ESRRG: variants seen among roughly 807,000 people sequenced by gnomAD.
ESRRG encodes estrogen related receptor gamma.
A neutral mutation model predicts 44.0 loss-of-function variants in ESRRG; 13 were observed. The ratio of observed to expected loss-of-function variants is 0.30; its 90% CI spans 0.19 to 0.47. ESRRG has a LOEUF of 0.47. ESRRG is among the 20% of genes least tolerant of loss of function. ESRRG has a pLI of 1.00. For missense variants in ESRRG, 395 were observed against 580.6 expected (o/e 0.68, Z 3.29); for synonymous variants, 215 against 214.6 (o/e 1.00, Z -0.02).
In ESRRG at chr1:216,506,458, G is replaced by T. The variant is rs1443195723; in HGVS notation, c.*481C>A. The T allele has an allele frequency of 3.0e-6, 1 of 332,462 alleles. No individual in the cohort carries two copies. Among genetic ancestry groups the T allele is most frequent in the Non-Finnish European group, 5.8e-6 (1 of 172,004 alleles). 20.6% of individuals were successfully genotyped at this position (332,462 alleles called of 1,614,324 possible). A position where few individuals can be genotyped will look rare whatever the true frequency, so the allele number is the denominator to read the frequency against. On this transcript the variant is annotated 3_prime_UTR_variant, in exon 7 of 7. Coordinates refer to ENST00000408911, the MANE Select transcript of ESRRG (RefSeq NM_001438.4). ...GAAAGAAGGTCAAGAGGAAAGGAAAGGAAAGGGAAAAGGAAAGGGAAAAAG... is the reference window on the plus strand; with the variant it reads ...GAAAGAAGGTCAAGAGGAAAGGAAATGAAAGGGAAAAGGAAAGGGAAAAAG...
At chr1:216,522,058 T>G (rs1460610724) in intron 5 of ESRRG, among the ~76,000 whole-genome samples, 2 of 151,708 alleles carry the variant, frequency 1.3e-5, no homozygotes, top group Non-Finnish European at 2.9e-5. Flanking sequence ...GCACATTTCT[T>G]TGGGGTTTAA....
At chr1:216,546,813 A>G (rs955892443) in intron 5 of ESRRG, among the ~76,000 whole-genome samples, 4 of 67,450 alleles carry the variant, frequency 5.9e-5, no homozygotes, top group African/African-American at 1.8e-4. Context: ...CTATCTCTTT[A>G]TATATATATA....
At chr1:217,122,847 T>A (rs908993337) in intron 1 of ESRRG, among the ~76,000 whole-genome samples, 1 of 150,840 alleles carries the variant, frequency 6.6e-6, no homozygotes, top group African/African-American at 2.5e-5. Flanking sequence ...ATTTTCTTTT[T>A]TCTTTTTTTT....
At chr1:216,891,888 C>A (rs2057848330) in intron 2 of ESRRG, among the ~76,000 whole-genome samples, 1 of 150,974 alleles carries the variant, frequency 6.6e-6, no homozygotes, top group African/African-American at 2.4e-5. Context: ...CAATCTCCAC[C>A]TCCTGGGTTC....
At position 216,518,801 on chromosome 1, in the gene ESRRG, C is replaced by T. The variant is rs11572819; in HGVS notation, c.1132+351G>A. On this transcript the variant is annotated intron_variant, in intron 6 of 6. Coordinates refer to ENST00000408911, the MANE Select transcript of ESRRG (RefSeq NM_001438.4). Reference sequence around the variant, plus strand: ...GGGAAAAATGGTTTGTGTGTATCAACAATTCCCTTGTTTTAACTTACGCAT... The same window carrying T: ...GGGAAAAATGGTTTGTGTGTATCAATAATTCCCTTGTTTTAACTTACGCAT... 6.2e-3 allele frequency among the ~76,000 whole-genome samples: 945 copies of T among 152,280 alleles called. 6 individuals are homozygous for T. Among genetic ancestry groups the T allele is most frequent in the Non-Finnish European group, 7.9e-3 (537 of 68,012 alleles).
chr1:216,819,750 T>C (rs1475513989), intron 2 of ESRRG, among the ~76,000 whole-genome samples: 1 of 152,176 alleles, frequency 6.6e-6, no homozygotes, highest in Non-Finnish European at 1.5e-5. Flanking sequence ...GTTGTGGACA[T>C]GGTTTGTTAA....
intron 1 of ESRRG, among the ~76,000 whole-genome samples, chr1:217,035,767 T>A (rs2082777779): frequency 6.6e-6 from 1 of 152,044 alleles, no homozygotes; most frequent in African/African-American, 2.4e-5. Context: ...AGACTTAGGA[T>A]TCCATTATTA....
intron 3 of ESRRG, among the ~76,000 whole-genome samples, chr1:216,569,709 A>G (rs971145168): frequency 5.3e-5 from 8 of 152,208 alleles, no homozygotes; most frequent in Non-Finnish European, 1.2e-4. Flanking sequence ...TAACAATGTA[A>G]AAGTATTCAT....
chr1:216,747,435 C>A (rs1252784785), intron 2 of ESRRG, among the ~76,000 whole-genome samples: 2 of 152,136 alleles, frequency 1.3e-5, no homozygotes, highest in Non-Finnish European at 1.5e-5. Context: ...TGCACAGGTC[C>A]TTTATAGCAT....
At chr1:216,714,365 T>C (rs1362781396) in intron 1 of ESRRG, among the ~76,000 whole-genome samples, 5 of 152,110 alleles carry the variant, frequency 3.3e-5, no homozygotes, top group Admixed American at 2.6e-4. Flanking sequence ...TAAAGGAAAA[T>C]ACTGCCGGGA....
At chr1:216,651,567 G>T (rs1416781540) in intron 2 of ESRRG, among the ~76,000 whole-genome samples, 3 of 152,076 alleles carry the variant, frequency 2.0e-5, no homozygotes, top group Non-Finnish European at 4.4e-5. Context: ...AACAAATATG[G>T]CATGTTATAG....
At chr1:216,735,987 A>AAAAAAATATATAT (rs1453476198) in intron 2 of ESRRG, among the ~76,000 whole-genome samples, 101 of 137,098 alleles carry the variant, frequency 7.4e-4, no homozygotes, top group African/African-American at 2.7e-3. Flanking sequence ...CTCAAAAAAA[A>AAAAAAATATATAT]ATATATATAT....
chr1:216,930,738 C>CA (rs2063223026), intron 2 of ESRRG, among the ~76,000 whole-genome samples: 1 of 152,108 alleles, frequency 6.6e-6, no homozygotes, highest in Non-Finnish European at 1.5e-5. Flanking sequence ...TCTTCTAGCT[C>CA]AAGGAGTCAG....
chr1:217,058,353 G>A (rs1580212540), intron 1 of ESRRG, among the ~76,000 whole-genome samples: 1 of 152,130 alleles, frequency 6.6e-6, no homozygotes, highest in African/African-American at 2.4e-5. Flanking sequence ...AAATTGTTAT[G>A]AATATGGACA....
At chr1:216,739,166 G>A (rs998947148) in intron 2 of ESRRG, among the ~76,000 whole-genome samples, 1 of 151,784 alleles carries the variant, frequency 6.6e-6, no homozygotes, top group Non-Finnish European at 1.5e-5. Context: ...ATGACTGTAA[G>A]CCTCTTGAGA....
chr1:216,788,405 A>C (rs2094202569), intron 2 of ESRRG, among the ~76,000 whole-genome samples: 1 of 152,156 alleles, frequency 6.6e-6, no homozygotes, highest in South Asian at 2.1e-4. Flanking sequence ...ATATTCTATC[A>C]GTGCAACAAC....
chr1:216,912,150 GAA>G (rs2060419977), intron 2 of ESRRG, among the ~76,000 whole-genome samples: 7 of 31,922 alleles, frequency 2.2e-4, no homozygotes, highest in African/African-American at 9.1e-4. Flanking sequence ...GAAAAGAAAA[GAA>G]AAGAAAAGAA....
chr1:216,606,523 C>T (rs1372474289), intron 3 of ESRRG, among the ~76,000 whole-genome samples: 2 of 152,016 alleles, frequency 1.3e-5, no homozygotes, highest in Admixed American at 6.6e-5. Flanking sequence ...CATTTTATTG[C>T]CGCTTTCCCT....
intron 3 of ESRRG, among the ~76,000 whole-genome samples, chr1:216,574,308 AG>A (rs1170418915): frequency 1.3e-5 from 2 of 152,122 alleles, no homozygotes; most frequent in African/African-American, 2.4e-5. Context: ...ATACATTGTC[AG>A]GATTTACAAA....
Sources: allele counts gnomAD v4.1 joint callset (sites outside exome capture counted in the v4.1 genomes callset), GRCh38; gene constraint gnomAD v4.1.1; transcripts MANE v1.5; gene names NCBI Gene and HGNC (gene_info 2026-07-23, HGNC 2026-07-21).